The following IGSF21 variants were observed in gnomAD, a reference collection of about 807,000 sequenced individuals.
IGSF21 encodes immunoglobin superfamily member 21, also known as immunoglobulin superfamily member 21.
Under a neutral mutation model 46.8 loss-of-function variants are expected in IGSF21, and 28 were observed. The ratio of observed to expected loss-of-function variants is 0.60; its 90% confidence interval spans 0.44 to 0.82. The LOEUF (loss-of-function observed/expected upper bound fraction) is 0.82. IGSF21 is among the 40% of genes least tolerant of loss of function. The probability of loss-of-function intolerance (pLI) is 0.00; values close to 1 mark genes in which losing one functional copy is unlikely to be tolerated. For synonymous variants in IGSF21, 284 were observed against 273.6 expected, an observed-to-expected ratio of 1.04 and a Z score of -0.38; for missense variants, 624 against 665.5, an observed-to-expected ratio of 0.94 and a Z score of 0.69.
chr1:18,285,492 T>C (rs778175408), intron 2 of IGSF21, among the ~76,000 whole-genome samples: 1 of 152,134 alleles, frequency 6.6e-6, no homozygotes, highest in African/African-American at 2.4e-5. Context: ...ATCAGAACAC[T>C]GCGGGCATTC....
intron 4 of IGSF21, among the ~76,000 whole-genome samples, chr1:18,342,346 G>A (rs574396872): frequency 2.8e-3 from 432 of 152,150 alleles, no homozygotes; most frequent in Admixed American, 4.6e-3. Flanking sequence ...CTCCCGCCTC[G>A]GCCCCCCAAA....
At chr1:18,197,110 T>A (rs1375840107) in intron 1 of IGSF21, among the ~76,000 whole-genome samples, 1 of 152,106 alleles carries the variant, frequency 6.6e-6, no homozygotes, top group East Asian at 1.9e-4. Context: ...TGAAAGGAGG[T>A]GACGTGCTCA....
At chr1:18,115,897 GAAA>G (rs2086185566) in intron 1 of IGSF21, 2 of 90,310 alleles carry the variant, frequency 2.2e-5, no homozygotes, top group African/African-American at 3.9e-5. Context: ...AAGAAAGAAA[GAAA>G]GAAGGAGAGG....
chr1:18,248,127 C>T (rs1035759733), intron 2 of IGSF21, among the ~76,000 whole-genome samples: 3 of 152,188 alleles, frequency 2.0e-5, no homozygotes, highest in Non-Finnish European at 4.4e-5. Flanking sequence ...CACGTAACAC[C>T]ACCAAAGGAG....
chr1:18,332,124 G>A (rs895935801), intron 3 of IGSF21, among the ~76,000 whole-genome samples: 2 of 152,182 alleles, frequency 1.3e-5, no homozygotes, highest in Admixed American at 6.5e-5. Flanking sequence ...TATTGCTTAC[G>A]TTACTATCAC....
At position 18,365,676 on chromosome 1, in the gene IGSF21, A is replaced by G. The variant is rs1557663145; in HGVS notation, c.994A>G (p.Met332Val). Residue 332 changes from methionine to valine, a missense_variant, in exon 6 of 10, where the codon ATG (methionine) becomes GTG (valine). Met to Val is a conservative substitution (Grantham distance 21, BLOSUM62 1). Coordinates refer to ENST00000251296, the MANE Select transcript of IGSF21 (RefSeq NM_032880.5). This position sits in a 1 kb window ranked among gnomAD's most constrained non-coding sequence, Gnocchi z 4.8. The part of the protein sequence containing the change: ...EVKHPALSMP[M>V]QAEVTLVAPK... ...CAAGCACCCAGCTCTGTCGATGCCC[A>G]TGCAGGCAGAGGTCACGCTGGGTAA... 1 of 1,613,170 alleles carries G rather than the reference A, an allele frequency of 6.2e-7. No homozygotes were observed. The highest frequency in any genetic ancestry group is 1.7e-5 in the Admixed American group (1 of 59,976).
chr1:18,123,388 C>A (rs1425673685), intron 1 of IGSF21, among the ~76,000 whole-genome samples: 2 of 152,214 alleles, frequency 1.3e-5, no homozygotes, highest in Non-Finnish European at 2.9e-5. Context: ...CAGTCAGCAG[C>A]CCTGCACCAA....
At chr1:18,319,042 A>G (rs539899527) in intron 3 of IGSF21, among the ~76,000 whole-genome samples, 25 of 152,324 alleles carry the variant, frequency 1.6e-4, no homozygotes. Flanking sequence ...CCATGCAACA[A>G]AAACCCAAAG....
At chr1:18,209,371 C>A (rs573212683) in intron 1 of IGSF21, among the ~76,000 whole-genome samples, 2 of 152,276 alleles carry the variant, frequency 1.3e-5, no homozygotes, top group East Asian at 3.9e-4. Context: ...TGTCTCAATG[C>A]CTTTCCTATC....
chr1:18,214,461 T>C (rs1037890110), intron 1 of IGSF21, among the ~76,000 whole-genome samples: 1 of 152,180 alleles, frequency 6.6e-6, no homozygotes, highest in Non-Finnish European at 1.5e-5. Flanking sequence ...AGGCAAAAAG[T>C]ATCCAGCCGC....
chr1:18,356,818 C>T (rs926952170), intron 4 of IGSF21, among the ~76,000 whole-genome samples: 1 of 150,810 alleles, frequency 6.6e-6, no homozygotes, highest in Non-Finnish European at 1.5e-5. Context: ...AGTGTGGGGA[C>T]AGGAATAGAA....
intron 1 of IGSF21, among the ~76,000 whole-genome samples, chr1:18,177,408 T>TGGGGTCA (rs1220694966): frequency 1.5e-4 from 5 of 33,516 alleles, no homozygotes; most frequent in African/African-American, 2.2e-4. Flanking sequence ...TGTGTGTGTG[T>TGGGGTCA]GTGTGTGTGT....
intron 4 of IGSF21, among the ~76,000 whole-genome samples, chr1:18,348,476 C>A (rs1490181396): frequency 6.6e-6 from 1 of 152,202 alleles, no homozygotes; most frequent in Non-Finnish European, 1.5e-5. Context: ...CAGTACGATG[C>A]TTTATCCTCT....
At chr1:18,361,051 G>A (rs1363809116) in intron 4 of IGSF21, among the ~76,000 whole-genome samples, 4 of 152,164 alleles carry the variant, frequency 2.6e-5, no homozygotes, top group African/African-American at 9.7e-5. Flanking sequence ...GAGTGGGTGG[G>A]AGGGGTGGCC....
intron 1 of IGSF21, among the ~76,000 whole-genome samples, chr1:18,178,557 C>T (rs34019357): frequency 0.2 from 30,531 of 152,140 alleles, 4,342 homozygotes; most frequent in East Asian, 0.52. Flanking sequence ...AGAACAGTGC[C>T]AGGTGCATAT....
At chr1:18,275,008 T>C (rs1237891642) in intron 2 of IGSF21, among the ~76,000 whole-genome samples, 2 of 151,406 alleles carry the variant, frequency 1.3e-5, no homozygotes, top group African/African-American at 2.4e-5. Context: ...GCCTGGGTGA[T>C]AGAGTAAGAC....
intron 1 of IGSF21, among the ~76,000 whole-genome samples, chr1:18,137,382 GAC>G (rs1371538635): frequency 6.6e-6 from 1 of 152,094 alleles, no homozygotes; most frequent in Non-Finnish European, 1.5e-5. Context: ...TTTAGGTGGG[GAC>G]ACACATCCAC....
intron 1 of IGSF21, among the ~76,000 whole-genome samples, chr1:18,216,580 T>C (rs990415459): frequency 6.6e-6 from 1 of 152,140 alleles, no homozygotes; most frequent in African/African-American, 2.4e-5. Flanking sequence ...TGAGGCCAGA[T>C]TGGTGCAGAG....
intron 3 of IGSF21, among the ~76,000 whole-genome samples, chr1:18,296,953 C>T (rs987662445): frequency 2.0e-5 from 3 of 152,214 alleles, no homozygotes; most frequent in African/African-American, 7.2e-5. Flanking sequence ...TTCCTGCCCC[C>T]GACCTGCTAT....
Sources: gnomAD v4.1 joint callset for allele counts (sites outside exome capture counted in the v4.1 genomes callset) on GRCh38, gnomAD v4.1.1 for gene constraint, Gnocchi (gnomAD v3.1) non-coding constraint, MANE v1.5 for transcripts, NCBI Gene and HGNC (gene_info 2026-07-23, HGNC 2026-07-21) for gene names.